Variants in MTA3 observed in about 807,000 individuals in gnomAD.
MTA3 encodes the protein metastasis associated 1 family member 3.
Under a neutral mutation model 83.5 loss-of-function variants are expected in MTA3, and 34 were observed. That is an observed-to-expected ratio of 0.41 (90% CI 0.31 to 0.54). MTA3 has a LOEUF of 0.54. Ranked by LOEUF, MTA3 falls within the 20% of genes least tolerant of loss-of-function variation. The probability of loss-of-function intolerance (pLI) is 0.33; values close to 1 mark genes in which losing one functional copy is unlikely to be tolerated. For synonymous variants in MTA3, 303 were observed against 252.7 expected (o/e 1.20, Z -1.89); for missense variants, 761 against 726.4 (o/e 1.05, Z -0.55).
Position 42,621,998 on chromosome 2 carries a change from G to T in MTA3, c.317+12414G>T, listed in dbSNP as rs1224840951. Among the ~76,000 whole-genome samples the T allele has an allele frequency of 4.0e-4, 61 of 152,294 alleles. No homozygotes were observed. In the East Asian group the frequency reaches 0.01, roughly 26 times the overall value. The stretch of plus-strand genomic sequence containing the variant: ...CAGAGACGCTCCTCACTTCCCAGAC[G>T]GGGTGGCGGCCGGGCAGAGGCTGCA... On this transcript the variant is annotated intron_variant, in intron 4 of 16. Coordinates refer to ENST00000405094, the MANE Select transcript of MTA3 (RefSeq NM_001330442.2).
intron 3 of MTA3, among the ~76,000 whole-genome samples, chr2:42,593,959 T>A (rs1415518381): frequency 4.8e-4 from 26 of 53,744 alleles, no homozygotes; most frequent in African/African-American, 2.8e-3. Context: ...AAGTTTTTTT[T>A]TTTTTTTTTT....
intron 2 of MTA3, among the ~76,000 whole-genome samples, chr2:42,577,563 C>T (rs1328089321): frequency 1.3e-5 from 2 of 151,568 alleles, no homozygotes; most frequent in Non-Finnish European, 2.9e-5. Flanking sequence ...TCACTGCAAC[C>T]TCCACCTCCC....
chr2:42,665,407 GAAAA>G (rs1295809888), intron 8 of MTA3, among the ~76,000 whole-genome samples: 1 of 115,490 alleles, frequency 8.7e-6, no homozygotes, highest in East Asian at 2.4e-4. Flanking sequence ...AAGAAAGAAA[GAAAA>G]AGTAGGTTTA....
intron 16 of MTA3, among the ~76,000 whole-genome samples, chr2:42,752,526 C>A (rs1669956657): frequency 6.6e-6 from 1 of 150,454 alleles, no homozygotes; most frequent in Admixed American, 6.6e-5. Flanking sequence ...GCTGTAGTCT[C>A]CAGATGGTCA....
intron 3 of MTA3, among the ~76,000 whole-genome samples, chr2:42,606,405 TCCTCACCTCCCAGAC>T (rs1683413828): frequency 7.0e-6 from 1 of 143,572 alleles, no homozygotes; most frequent in African/African-American, 2.6e-5. Flanking sequence ...GCAGAGACGC[TCCTCACCTCCCAGAC>T]GGGGCGGCGG....
chr2:42,699,798 T>G (rs991882946), intron 11 of MTA3, among the ~76,000 whole-genome samples: 3 of 152,162 alleles, frequency 2.0e-5, no homozygotes, highest in African/African-American at 7.2e-5. Flanking sequence ...CTGGATGTAT[T>G]GGTCTTAAAC....
rs574128831 is a variant in MTA3, at chr2:42,506,761, C to A, written c.-141+11507C>A. 2.6e-5 allele frequency among the ~76,000 whole-genome samples: 4 copies of A among 152,088 alleles called. No homozygotes were observed. The South Asian group carries it at 8.3e-4, about 32-fold the overall frequency. On this transcript the variant is annotated intron_variant, in intron 2 of 17. Coordinates refer to the MTA3 transcript ENST00000405592. ...TAGCTGGGACTACAGGCACAGACCA[C>A]CACACCCAGCTAATTTTTGTAAATT...
intron 5 of MTA3, among the ~76,000 whole-genome samples, chr2:42,642,810 G>T (rs769410257): frequency 5.3e-5 from 8 of 151,578 alleles, no homozygotes; most frequent in Non-Finnish European, 7.4e-5. Context: ...ACACCCGGCT[G>T]ATTTTTCTAT....
At chr2:42,729,153 G>C (rs992851723) in intron 16 of MTA3, among the ~76,000 whole-genome samples, 7 of 136,792 alleles carry the variant, frequency 5.1e-5, no homozygotes, top group African/African-American at 1.9e-4. Flanking sequence ...GAGTGCAGTG[G>C]CACAATCTCG....
intron 2 of MTA3, among the ~76,000 whole-genome samples, chr2:42,522,436 C>T (rs1675471670): frequency 6.6e-6 from 1 of 152,132 alleles, no homozygotes; most frequent in Non-Finnish European, 1.5e-5. Context: ...TGATCAGCAC[C>T]TCTGGAATGA....
At chr2:42,526,183 A>G (rs1168475322) in intron 2 of MTA3, among the ~76,000 whole-genome samples, 1 of 152,222 alleles carries the variant, frequency 6.6e-6, no homozygotes, top group Admixed American at 6.5e-5. Flanking sequence ...AGGCCGGTAC[A>G]GGGGTGGCTG....
chr2:42,504,325 C>T (rs1170786150), intron 2 of MTA3, among the ~76,000 whole-genome samples: 1 of 152,126 alleles, frequency 6.6e-6, no homozygotes, highest in Non-Finnish European at 1.5e-5. Context: ...CTACAACTTC[C>T]ACCTCCCAGG....
chr2:42,734,892 T>G (rs1052750963), intron 16 of MTA3, among the ~76,000 whole-genome samples: 2 of 152,212 alleles, frequency 1.3e-5, no homozygotes, highest in African/African-American at 4.8e-5. Flanking sequence ...AACTTTTTGT[T>G]GTTTATATTT....
intron 4 of MTA3, among the ~76,000 whole-genome samples, chr2:42,619,469 C>A (rs1403174310): frequency 6.6e-6 from 1 of 152,010 alleles, no homozygotes; most frequent in Admixed American, 6.6e-5. Flanking sequence ...CCAGAAACAT[C>A]AAATGAATCT....
intron 6 of MTA3, among the ~76,000 whole-genome samples, chr2:42,652,062 A>G (rs1309189098): frequency 6.6e-6 from 1 of 151,960 alleles, no homozygotes; most frequent in Non-Finnish European, 1.5e-5. Context: ...ACGGCATTGC[A>G]CTCCAGGGTG....
chr2:42,627,893 G>A (rs951807107), intron 4 of MTA3, among the ~76,000 whole-genome samples: 7 of 150,860 alleles, frequency 4.6e-5, no homozygotes, highest in African/African-American at 1.7e-4. Context: ...CTTTTGTTTT[G>A]TTTTGTTTTG....
intron 16 of MTA3, among the ~76,000 whole-genome samples, chr2:42,742,713 C>T (rs1156822371): frequency 1.3e-5 from 2 of 152,178 alleles, no homozygotes; most frequent in East Asian, 1.9e-4. Flanking sequence ...AAGATTCTAC[C>T]TCTGACTTAA....
chr2:42,517,753 C>A (rs1326337890), intron 2 of MTA3, among the ~76,000 whole-genome samples: 1 of 150,614 alleles, frequency 6.6e-6, no homozygotes. Context: ...TGGCGGGAGC[C>A]TGTAATCCCA....
At chr2:42,697,474 G>A (rs1693490422) in intron 10 of MTA3, among the ~76,000 whole-genome samples, 1 of 152,118 alleles carries the variant, frequency 6.6e-6, no homozygotes, top group East Asian at 1.9e-4. Flanking sequence ...AAGTAAAAAT[G>A]GTTACTTTTT....
Sources: allele counts gnomAD v4.1 joint callset (sites outside exome capture counted in the v4.1 genomes callset), GRCh38; gene constraint gnomAD v4.1.1; transcripts MANE v1.5; gene names NCBI Gene and HGNC (gene_info 2026-07-23, HGNC 2026-07-21).